The following ANKRD11 variants were observed in gnomAD, a reference collection of about 807,000 sequenced individuals.
The protein encoded by ANKRD11 is ankyrin repeat domain-containing protein 11.
ANKRD11 carries 17 observed loss-of-function variants against 195.7 expected under a neutral mutation model. The observed-to-expected ratio is 0.09, with a 90% CI of 0.06 to 0.13. The LOEUF is 0.13. Ranked by LOEUF, ANKRD11 falls within the 10% of genes least tolerant of loss-of-function variation. ANKRD11 has a pLI of 1.00. For missense variants in ANKRD11, 3,735 were observed against 3,566.1 expected, an observed-to-expected ratio of 1.05 and a Z score of -1.21; for synonymous variants, 1,953 against 1,528.1, an observed-to-expected ratio of 1.28 and a Z score of -6.49.
chr16:89,437,488 C>A (rs1188693048), intron 1 of ANKRD11, among the ~76,000 whole-genome samples: 1 of 152,116 alleles, frequency 6.6e-6, no homozygotes, highest in African/African-American at 2.4e-5. Context: ...GCCTCCCACT[C>A]TCTCACTGAG....
chr16:89,396,599 C>T (rs1480191626), intron 2 of ANKRD11, among the ~76,000 whole-genome samples: 1 of 152,068 alleles, frequency 6.6e-6, no homozygotes, highest in African/African-American at 2.4e-5. Flanking sequence ...GCAGGAACAG[C>T]GAGGAGAACC....
At chr16:89,310,058 G>A (rs997248738) in intron 3 of ANKRD11, among the ~76,000 whole-genome samples, 13 of 152,202 alleles carry the variant, frequency 8.5e-5, no homozygotes, top group African/African-American at 2.9e-4. Flanking sequence ...CTGAAAAATG[G>A]CCACGTCCAG....
chr16:89,354,977 T>C (rs957920206), intron 2 of ANKRD11, among the ~76,000 whole-genome samples: 9 of 152,120 alleles, frequency 5.9e-5, no homozygotes. Context: ...CAACAGACTT[T>C]CCAAGTCCCA....
chr16:89,330,612 T>A (rs921831506), intron 2 of ANKRD11, among the ~76,000 whole-genome samples: 1 of 127,202 alleles, frequency 7.9e-6, no homozygotes, highest in African/African-American at 3.0e-5. Flanking sequence ...AGGGGCTGCG[T>A]GAGGGTCCTC....
chr16:89,384,428 G>T (rs1040907306), intron 2 of ANKRD11, among the ~76,000 whole-genome samples: 2 of 152,118 alleles, frequency 1.3e-5, no homozygotes, highest in Admixed American at 6.6e-5. Flanking sequence ...CTATGTGGGG[G>T]GCTGAGGCAG....
intron 3 of ANKRD11, among the ~76,000 whole-genome samples, chr16:89,309,365 G>C (rs1270202431): frequency 3.3e-5 from 5 of 152,204 alleles, no homozygotes; most frequent in Admixed American, 2.0e-4. Flanking sequence ...TCAGGGCAGA[G>C]GTGACTTTTC....
Position 89,281,553 on chromosome 16 carries a change from G to T in ANKRD11, c.4989C>A (p.Ala1663=), listed in dbSNP as rs149420132. ...ATGCTGGGTGTAGCTTATTTTCCGCGGCAGGTGGAATAGGAGTCGACTCTT... is the reference window on the plus strand; with the variant it reads ...ATGCTGGGTGTAGCTTATTTTCCGCTGCAGGTGGAATAGGAGTCGACTCTT... ...KLKESTPIPP[A]AENKLHPASG... is the part of the protein sequence containing the mutation. Residue 1663 remains alanine, a synonymous_variant, in exon 9 of 13, where the codon GCC becomes GCA. Coordinates refer to ENST00000301030, the MANE Select transcript of ANKRD11 (RefSeq NM_013275.6). The surrounding 1 kb of genome is among the most constrained non-coding windows in gnomAD (Gnocchi z 5.5). The T allele has an allele frequency of 1.3e-4, 206 of 1,614,154 alleles. 1 individual carries two copies. In the Middle Eastern group the frequency reaches 2.0e-3, roughly 16 times the overall value.
At chr16:89,309,922 C>T (rs3096301) in intron 3 of ANKRD11, among the ~76,000 whole-genome samples, 94,806 of 152,168 alleles carry the variant, frequency 0.62, 31,841 homozygotes, top group Non-Finnish European at 0.77. Context: ...ACCAGCCTGC[C>T]GGCCACCTGG....
rs2032811665 is a variant in ANKRD11, at chr16:89,268,355, G to GTC, written c.*121_*122dup. The GTC allele has an allele frequency of 2.0e-6, 1 of 512,654 alleles. No homozygotes were observed. The highest frequency in any genetic ancestry group is 3.1e-5 in the East Asian group (1 of 32,086). The allele number at this position is 512,654 out of a possible 1,614,324, so 31.8% of individuals were successfully genotyped here. Reference sequence around the variant, plus strand: ...GATGGAGGCGCTGTGGCCAAGTGCAGTCTCTCTCGGGGTCTCTCCCCGCCC... The same window carrying GTC: ...GATGGAGGCGCTGTGGCCAAGTGCAGTCTCTCTCTCGGGGTCTCTCCCCGCCC... On this transcript the variant is annotated 3_prime_UTR_variant, in exon 13 of 13. Coordinates refer to ENST00000301030, the MANE Select transcript of ANKRD11 (RefSeq NM_013275.6).
chr16:89,291,884 C>A lies in ANKRD11; in HGVS notation c.227-701G>T. 4.2e-6 allele frequency: 3 copies of A among 716,692 alleles called. No homozygotes were observed. The highest frequency in any genetic ancestry group is 6.4e-6 in the Non-Finnish European group (3 of 469,162). 44.4% of individuals were successfully genotyped at this position (716,692 alleles called of 1,614,324 possible). On this transcript the variant is annotated intron_variant, in intron 4 of 12. Coordinates refer to ENST00000301030, the MANE Select transcript of ANKRD11 (RefSeq NM_013275.6). The surrounding 1 kb of genome is among the most constrained non-coding windows in gnomAD (Gnocchi z 5.3). ...CACCCTGCACTCATCTGACCCGTTACAGAACACTCGGCTGGCGTCTAACGC... is the reference window on the plus strand; with the variant it reads ...CACCCTGCACTCATCTGACCCGTTAAAGAACACTCGGCTGGCGTCTAACGC...
At chr16:89,305,155 C>T (rs913618894) in intron 4 of ANKRD11, 51 bp downstream of exon 4, 1 of 1,600,178 alleles carries the variant, frequency 6.2e-7, no homozygotes, top group Non-Finnish European at 8.5e-7. Context: ...GCCTGGGCTG[C>T]TCCGGGCTGC....
intron 2 of ANKRD11, among the ~76,000 whole-genome samples, chr16:89,394,278 G>A (rs780749015): frequency 2.0e-5 from 3 of 152,194 alleles, no homozygotes; most frequent in Non-Finnish European, 2.9e-5. Context: ...GCAGCCGTCC[G>A]CCTCTCCTCC....
chr16:89,483,309 T>A (rs932804463), intron 1 of ANKRD11, among the ~76,000 whole-genome samples: 7 of 152,248 alleles, frequency 4.6e-5, no homozygotes, highest in Non-Finnish European at 8.8e-5. Context: ...CAACATCATC[T>A]TCTTTTAAAA....
At chr16:89,309,315 G>A (rs1021368780) in intron 3 of ANKRD11, among the ~76,000 whole-genome samples, 1 of 152,142 alleles carries the variant, frequency 6.6e-6, no homozygotes, top group South Asian at 2.1e-4. Context: ...TGTCTCCCAC[G>A]GAAATCTCAA....
intron 2 of ANKRD11, among the ~76,000 whole-genome samples, chr16:89,358,715 G>A (rs1311496453): frequency 6.6e-6 from 1 of 152,238 alleles, no homozygotes; most frequent in Non-Finnish European, 1.5e-5. Context: ...CTGGCCCTGT[G>A]TGCTGAGGAC....
chr16:89,410,091 G>A (rs1349196042), intron 2 of ANKRD11, among the ~76,000 whole-genome samples: 2 of 152,058 alleles, frequency 1.3e-5, no homozygotes, highest in Non-Finnish European at 2.9e-5. Context: ...CGCCCGCCTC[G>A]GCCTCCCAAA....
chr16:89,381,574 C>T (rs1303668717), intron 2 of ANKRD11, among the ~76,000 whole-genome samples: 4 of 152,142 alleles, frequency 2.6e-5, no homozygotes, highest in African/African-American at 9.7e-5. Context: ...AAACAAGTAA[C>T]TTACATGCGA....
intron 1 of ANKRD11, among the ~76,000 whole-genome samples, chr16:89,438,153 G>A (rs1446094077): frequency 1.3e-5 from 2 of 152,232 alleles, no homozygotes; most frequent in Non-Finnish European, 2.9e-5. Flanking sequence ...GCGCAGCCCA[G>A]GAGGCTGGCA....
At chr16:89,335,640 G>A (rs1260813904) in intron 2 of ANKRD11, among the ~76,000 whole-genome samples, 1 of 152,196 alleles carries the variant, frequency 6.6e-6, no homozygotes, top group African/African-American at 2.4e-5. Context: ...ACAAGCTGAG[G>A]TAAGATGACA....
Sources: gnomAD v4.1 joint callset for allele counts (sites outside exome capture counted in the v4.1 genomes callset) on GRCh38, gnomAD v4.1.1 for gene constraint, Gnocchi (gnomAD v3.1) non-coding constraint, MANE v1.5 for transcripts, NCBI Gene and HGNC (gene_info 2026-07-23, HGNC 2026-07-21) for gene names.